The following BEST4 variants were observed in gnomAD, a reference collection of about 807,000 sequenced individuals.
BEST4 encodes bestrophin 4, also known as bestrophin-4.
BEST4 carries 36 observed loss-of-function variants against 47.1 expected under a neutral mutation model. That is an observed-to-expected ratio of 0.76 (90% confidence interval 0.59 to 1.01). The LOEUF (loss-of-function observed/expected upper bound fraction) is 1.01, where lower values mean the gene tolerates loss of function less well. Ranked by LOEUF, BEST4 falls within the 50% of genes least tolerant of loss-of-function variation. The pLI, the probability that BEST4 is intolerant of heterozygous loss-of-function variation, is 0.00. For missense variants in BEST4, 550 were observed against 648.6 expected (o/e 0.85, Z 1.65); for synonymous variants, 250 against 277.8 (o/e 0.90, Z 1.00).
chr1:44,785,445 C>A, intron 5 of BEST4, 140 bp from the exon 6 acceptor site: 2 of 1,205,006 alleles, frequency 1.7e-6, no homozygotes, highest in Non-Finnish European at 2.3e-6. Flanking sequence ...GGGACAGGGT[C>A]ACCTTGTTGG....
chr1:44,786,345 C>G lies in BEST4; in HGVS notation c.482-117G>C, dbSNP rs1309947002. ...CCGGCTGTCCCAGGACTCGCGGTTC[C>G]GCGTTCCTGTCGCAGTCCAGACCCT... On this transcript the variant is annotated intron_variant, in intron 3 of 8. Coordinates refer to ENST00000372207, the MANE Select transcript of BEST4 (RefSeq NM_153274.3). The surrounding 1 kb of genome is among the most constrained non-coding windows in gnomAD (Gnocchi z 4.9). 6.9e-7 allele frequency: 1 copy of G among 1,454,270 alleles called. No homozygotes were observed. Among genetic ancestry groups the G allele is most frequent in the Non-Finnish European group, 9.2e-7 (1 of 1,085,432 alleles). The allele number at this position is 1,454,270 out of a possible 1,614,324, so 90.1% of individuals were successfully genotyped here.
At chr1:44,787,333 A>T in intron 2 of BEST4, 39 bp downstream of exon 2, 1 of 1,605,052 alleles carries the variant, frequency 6.2e-7, no homozygotes, top group Non-Finnish European at 8.5e-7. Flanking sequence ...CAGGGAACAC[A>T]GTAAGGGGGA....
upstream of BEST4, among the ~76,000 whole-genome samples, chr1:44,788,217 A>G (rs1651316097): frequency 6.6e-6 from 1 of 152,184 alleles, no homozygotes; most frequent in South Asian, 2.1e-4. Flanking sequence ...TGCAGTCCAT[A>G]AAGTTAGGCT....
At chr1:44,790,752 AT>A (rs1205453001), upstream of BEST4, among the ~76,000 whole-genome samples, 1 of 151,350 alleles carries the variant, frequency 6.6e-6, no homozygotes, top group Non-Finnish European at 1.5e-5. Context: ...TCTACAAAAA[AT>A]TTTTTTAAAT....
chr1:44,786,258 T>C lies in BEST4; in HGVS notation c.482-30A>G. On this transcript the variant is annotated intron_variant, in intron 3 of 8. Transcript: ENST00000372207. The surrounding 1 kb of genome is among the most constrained non-coding windows in gnomAD (Gnocchi z 4.9). ...GGGGGTAAAGCAGGTGGGGTGCAGT[T>C]GCACCCTCTGCCGCCAGGGGAGGCT... 6.3e-7 allele frequency: 1 copy of C among 1,575,394 alleles called. No homozygotes were observed. The highest frequency in any genetic ancestry group is 8.6e-7 in the Non-Finnish European group (1 of 1,160,062).
Position 44,786,576 on chromosome 1 carries a change from A to T in BEST4, c.368T>A (p.Leu123Gln). Residue 123 changes from leucine (L) to glutamine (Q), a missense_variant, in exon 3 of 9, where the codon CTG becomes CAG. Physicochemically the swap from Leu to Gln is moderately radical, Grantham distance 113 (BLOSUM62 -2). Around this residue, in one of 3 missense-constraint regions of BEST4, gnomAD observed 291 missense variants for 342.4 expected, o/e 0.85. Coordinates refer to ENST00000372207, the MANE Select transcript of BEST4 (RefSeq NM_153274.3). This position sits in a 1 kb window ranked among gnomAD's most constrained non-coding sequence, Gnocchi z 4.9. ...GTAGCGGATGAGGGTGCGGCGCAGC[A>T]GGCGGCCCCGCTGGTCCACGCCGTG... The part of the protein sequence containing the change: ...SVHGVDQRGR[L>Q]LRRTLIRYAN... The T allele has an allele frequency of 2.6e-6, 4 of 1,550,394 alleles. No individual in the cohort carries two copies. The highest frequency in any genetic ancestry group is 2.6e-6 in the Non-Finnish European group (3 of 1,147,008).
At chr1:44,782,619 G>C (rs1651073242), downstream of BEST4, among the ~76,000 whole-genome samples, 1 of 149,410 alleles carries the variant, frequency 6.7e-6, no homozygotes, top group Non-Finnish European at 1.5e-5. Context: ...GACAGTGCAA[G>C]ATTCCGTCTC....
In BEST4 at chr1:44,785,118, C is replaced by A; in HGVS notation, c.902G>T (p.Gly301Val). 2 of 1,613,288 alleles carry A rather than the reference C, an allele frequency of 1.2e-6. No individual in the cohort carries two copies. Among genetic ancestry groups the A allele is most frequent in the Non-Finnish European group, 1.7e-6 (2 of 1,179,582 alleles). Residue 301 changes from glycine (G) to valine (V), a missense_variant, in exon 6 of 9, where the codon GGC becomes GTC. By Grantham distance (109) the Gly-to-Val change is moderately radical (BLOSUM62 -3). Around this residue, in one of 3 missense-constraint regions of BEST4, gnomAD observed 255 missense variants for 286.6 expected, o/e 0.89. Coordinates refer to ENST00000372207, the MANE Select transcript of BEST4 (RefSeq NM_153274.3). ...ATCTGCAGTGCCCACCTTGAGCCAG[C>A]CAGCATAGAAGAAGAACTGCAGCAG... ...TTLLQFFFYAGWLKVAEQIIN... is the reference protein window; with the variant it reads ...TTLLQFFFYAVWLKVAEQIIN...
chr1:44,784,502 G>GGGGCCCCC lies in BEST4; in HGVS notation c.1149-20_1149-19insGGGGGCCC. 2 of 399,794 alleles carry GGGGCCCCC rather than the reference G, an allele frequency of 5.0e-6. No individual in the cohort carries two copies. Among genetic ancestry groups the GGGGCCCCC allele is most frequent in the Non-Finnish European group, 9.5e-6 (2 of 210,198 alleles). The allele number at this position is 399,794 out of a possible 1,614,324, so 24.8% of individuals were successfully genotyped here. On this transcript the variant is annotated intron_variant, in intron 8 of 8. Coordinates refer to ENST00000372207, the MANE Select transcript of BEST4 (RefSeq NM_153274.3). This position sits in a 1 kb window ranked among gnomAD's most constrained non-coding sequence, Gnocchi z 6.2. ...GCTCATGCTGCGGGCGGGAGGGCGG[G>GGGGCCCCC]CTGAGCCGGGGCACAGGGCGGGAGC...
Position 44,786,835 on chromosome 1 carries a change from G to T in BEST4, c.248-139C>A, listed in dbSNP as rs1487020937. On this transcript the variant is annotated intron_variant, in intron 2 of 8. Transcript: ENST00000372207. The surrounding 1 kb of genome is among the most constrained non-coding windows in gnomAD (Gnocchi z 4.9). The stretch of plus-strand genomic sequence containing the variant: ...GGGGAAGGAAACATTCAGCTCCAGT[G>T]CCCTGCTGTGCGAGGCCAGGAGGAG... 8 of 664,040 alleles carry T rather than the reference G, an allele frequency of 1.2e-5. No homozygotes were observed. Among genetic ancestry groups the T allele is most frequent in the Admixed American group, 2.9e-5 (1 of 34,680 alleles). 41.1% of individuals were successfully genotyped at this position (664,040 alleles called of 1,614,324 possible). A position where few individuals can be genotyped will look rare whatever the true frequency, so the allele number is the denominator to read the frequency against.
Position 44,784,030 on chromosome 1 carries a change from C to T in BEST4, c.*180G>A. 1.8e-6 allele frequency: 1 copy of T among 571,376 alleles called. No individual in the cohort carries two copies. The highest frequency in any genetic ancestry group is 2.7e-6 in the Non-Finnish European group (1 of 368,522). The allele number at this position is 571,376 out of a possible 1,614,324, so 35.4% of individuals were successfully genotyped here. On this transcript the variant is annotated 3_prime_UTR_variant, in exon 9 of 9. Coordinates refer to ENST00000372207, the MANE Select transcript of BEST4 (RefSeq NM_153274.3). This position sits in a 1 kb window ranked among gnomAD's most constrained non-coding sequence, Gnocchi z 6.2. ...CGACCTTCTCTCCCACCAAAGTGGA[C>T]ACATTCCCAGCCCTGGCTCAGGCCC...
At chr1:44,787,521 C>T in intron 1 of BEST4, 33 bp downstream of exon 1, 1 of 1,614,096 alleles carries the variant, frequency 6.2e-7, no homozygotes, top group Non-Finnish European at 8.5e-7. Flanking sequence ...CCCAGTCTCC[C>T]CACTTGCGCC....
Position 44,787,426 on chromosome 1 carries a change from C to G in BEST4, c.193G>C (p.Val65Leu). 1 of 1,614,158 alleles carries G rather than the reference C, an allele frequency of 6.2e-7. No homozygotes were observed. The highest frequency in any genetic ancestry group is 8.5e-7 in the Non-Finnish European group (1 of 1,180,010). The part of the protein sequence containing the change: ...TQEQRYVYAQ[V>L]ARYCNRSADL... ...GCTGAGCGGTTGCAGTACCGGGCCA[C>G]CTGAGCATACACGTACCTCTGCTCC... The change falls in exon 2 of 9, where the codon GTG (valine) becomes CTG (leucine). Residue 65 changes from valine to leucine, a missense_variant. Val to Leu is a conservative substitution (Grantham distance 32, BLOSUM62 1). Around this residue, in one of 3 missense-constraint regions of BEST4, gnomAD observed 291 missense variants for 342.4 expected, o/e 0.85. Transcript: ENST00000372207.
Position 44,787,783 on chromosome 1 carries a change from C to T in BEST4, c.-78G>A. The T allele has an allele frequency of 1.3e-6, 2 of 1,547,964 alleles. No individual in the cohort carries two copies. The highest frequency in any genetic ancestry group is 1.8e-6 in the Non-Finnish European group (2 of 1,132,688). ...TTTAGTTCTCCAGACAACCTCCCTT[C>T]CACTCTGGTCTCACACACCCCAGCC... On this transcript the variant is annotated 5_prime_UTR_variant, in exon 1 of 9. Transcript: ENST00000372207.
chr1:44,785,559 T>TA, intron 5 of BEST4, 40 bp downstream of exon 5: 1 of 1,498,374 alleles, frequency 6.7e-7, no homozygotes, highest in South Asian at 1.2e-5. Flanking sequence ...GCACAGGACA[T>TA]ACAGTAGGCA....
chr1:44,784,563 G>A lies in BEST4; in HGVS notation c.1148+66C>T. ...GATCGGCTCTCGGGGAAGGACCGAG[G>A]CATCGGTGCCCCAGAGGCTGAGCGA... On this transcript the variant is annotated intron_variant, in intron 8 of 8. Transcript: ENST00000372207. This position sits in a 1 kb window ranked among gnomAD's most constrained non-coding sequence, Gnocchi z 6.2. 6.5e-7 allele frequency: 1 copy of A among 1,548,592 alleles called. No individual in the cohort carries two copies. Among genetic ancestry groups the A allele is most frequent in the Non-Finnish European group, 8.7e-7 (1 of 1,148,646 alleles).
At chr1:44,789,268 GAAAGAA>G (rs148288916), upstream of BEST4, among the ~76,000 whole-genome samples, 15,965 of 141,168 alleles carry the variant, frequency 0.11, 1,084 homozygotes, top group Non-Finnish European at 0.16. Context: ...AGAAAAGAAA[GAAAGAA>G]AAAGAAAAAG....
chr1:44,784,403 G>C lies in BEST4; in HGVS notation c.1229C>G (p.Pro410Arg). The change falls in exon 9 of 9, where the codon CCG (proline) becomes CGG (arginine). Residue 410 changes from proline to arginine, a missense_variant. By Grantham distance (103) the Pro-to-Arg change is moderately radical. Transcript: ENST00000372207. This position sits in a 1 kb window ranked among gnomAD's most constrained non-coding sequence, Gnocchi z 6.2. ...SGRPAPAAQT[P>R]LLGRFLGVGA... ...TACGCCCAGGAAGCGGCCGAGCAAC[G>C]GGGTCTGCGCGGCGGGCGCGGGCCG... 10 of 1,410,300 alleles carry C rather than the reference G, an allele frequency of 7.1e-6. No homozygotes were observed. The highest frequency in any genetic ancestry group is 8.2e-6 in the Non-Finnish European group (9 of 1,093,864). The allele number at this position is 1,410,300 out of a possible 1,614,324, so 87.4% of individuals were successfully genotyped here.
chr1:44,791,619 CCCCAGGCCCA>C (rs1261039925), upstream of BEST4, among the ~76,000 whole-genome samples: 1 of 151,986 alleles, frequency 6.6e-6, no homozygotes, highest in Non-Finnish European at 1.5e-5. Flanking sequence ...AGAGGGCGGT[CCCCAGGCCCA>C]CCCAGTCCCT....
Sources: gnomAD v4.1 joint callset for allele counts (sites outside exome capture counted in the v4.1 genomes callset) on GRCh38, gnomAD v4.1.1 for gene constraint, gnomAD v4.1.1 regional missense constraint, Gnocchi (gnomAD v3.1) non-coding constraint, MANE v1.5 for transcripts, NCBI Gene and HGNC (gene_info 2026-07-23, HGNC 2026-07-21) for gene names.